COL24A1: variants seen among roughly 807,000 people sequenced by gnomAD.
COL24A1 encodes the protein collagen type XXIV alpha 1 chain, also known as collagen alpha-1(XXIV) chain.
COL24A1 carries 224 observed loss-of-function variants against 253.9 expected under a neutral mutation model. The ratio of observed to expected loss-of-function variants is 0.88; its 90% CI spans 0.79 to 0.99. The LOEUF (loss-of-function observed/expected upper bound fraction) is 0.99, where lower values mean the gene tolerates loss of function less well. COL24A1 is among the 50% of genes least tolerant of loss of function. COL24A1 has a pLI of 0.00. For missense variants in COL24A1, 2,131 were observed against 2,068.5 expected (o/e 1.03, Z -0.59); for synonymous variants, 685 against 673.7 (o/e 1.02, Z -0.26).
intron 12 of COL24A1, among the ~76,000 whole-genome samples, chr1:86,041,445 A>C (rs1474508815): frequency 6.6e-6 from 1 of 152,092 alleles, no homozygotes; most frequent in Non-Finnish European, 1.5e-5. Context: ...ATAAATTTGC[A>C]TGGCTAACTT....
chr1:85,757,467 A>G (rs1226920955), intron 55 of COL24A1, among the ~76,000 whole-genome samples: 2 of 152,208 alleles, frequency 1.3e-5, no homozygotes, highest in African/African-American at 4.8e-5. Flanking sequence ...AAATAATACA[A>G]TGACTATTAG....
chr1:85,875,221 G>A (rs1050803605), intron 34 of COL24A1, 56 bp downstream of exon 34: 17 of 1,440,780 alleles, frequency 1.2e-5, no homozygotes, highest in Admixed American at 1.7e-5. Context: ...GGTAGCAAAT[G>A]TAGGGGGTTC....
chr1:85,935,718 A>G (rs1200435701), intron 24 of COL24A1, among the ~76,000 whole-genome samples: 5 of 147,086 alleles, frequency 3.4e-5, no homozygotes, highest in African/African-American at 1.2e-4. Context: ...GGCTTGACTG[A>G]CAGTTTATTA....
intron 6 of COL24A1, 101 bp downstream of exon 6, chr1:86,092,166 T>C (rs896453900): frequency 2.4e-6 from 2 of 841,278 alleles, no homozygotes; most frequent in Non-Finnish European, 3.6e-6. Flanking sequence ...TCATGTTTTT[T>C]TCCTGTCTGA....
intron 19 of COL24A1, among the ~76,000 whole-genome samples, chr1:85,993,523 A>G (rs887914417): frequency 4.6e-5 from 7 of 152,128 alleles, no homozygotes; most frequent in African/African-American, 1.7e-4. Context: ...AGTGACAAAG[A>G]GCAGATCAGA....
intron 11 of COL24A1, 148 bp downstream of exon 11, chr1:86,049,976 C>A: frequency 3.7e-6 from 2 of 542,444 alleles, no homozygotes; most frequent in South Asian, 4.8e-5. Flanking sequence ...TTTCAAAAGT[C>A]AAATTACATT....
intron 43 of COL24A1, among the ~76,000 whole-genome samples, chr1:85,825,209 T>C (rs987045122): frequency 5.3e-5 from 8 of 152,002 alleles, no homozygotes; most frequent in African/African-American, 1.7e-4. Context: ...TGACTGAGAA[T>C]GATGATTTCC....
chr1:85,926,826 TATA>T (rs1687304531), intron 24 of COL24A1, among the ~76,000 whole-genome samples: 2 of 151,194 alleles, frequency 1.3e-5, no homozygotes, highest in African/African-American at 2.4e-5. Flanking sequence ...TAATAATAAT[TATA>T]ATAATAATAA....
Position 85,744,792 on chromosome 1 carries a change from C to G in COL24A1, c.4546G>C (p.Glu1516Gln). ...AGGTAGTTCAGGGTTTTGAATATCTCTTCACTGTGGTCAATTAAAGTCACT... is the reference window on the plus strand; with the variant it reads ...AGGTAGTTCAGGGTTTTGAATATCTGTTCACTGTGGTCAATTAAAGTCACT... ...TEVTLIDHSE[E>Q]IFKTLNYLSN... Residue 1516 changes from glutamate (E) to glutamine (Q), a missense_variant, in exon 57 of 60, where the codon GAG becomes CAG. Coordinates refer to ENST00000370571, the MANE Select transcript of COL24A1 (RefSeq NM_152890.7). The G allele has an allele frequency of 6.2e-7, 1 of 1,610,538 alleles. No individual in the cohort carries two copies. The highest frequency in any genetic ancestry group is 8.5e-7 in the Non-Finnish European group (1 of 1,178,844).
chr1:85,999,241 G>A (rs144371335), intron 19 of COL24A1, among the ~76,000 whole-genome samples: 2 of 152,208 alleles, frequency 1.3e-5, no homozygotes, highest in East Asian at 3.9e-4. Context: ...ACAGCTTCAG[G>A]CCAAGTACAG....
chr1:85,886,172 C>G (rs993712736), intron 32 of COL24A1, among the ~76,000 whole-genome samples: 2 of 151,758 alleles, frequency 1.3e-5, no homozygotes, highest in African/African-American at 4.8e-5. Flanking sequence ...CTCAGCCTCT[C>G]GAGTAGCTGG....
At chr1:85,736,772 CAT>C (rs1212904086) in intron 58 of COL24A1, among the ~76,000 whole-genome samples, 3 of 151,988 alleles carry the variant, frequency 2.0e-5, no homozygotes, top group African/African-American at 7.2e-5. Context: ...AAGAAAGAAA[CAT>C]AGTTTTGGTT....
chr1:86,085,125 T>C (rs1172576484), intron 7 of COL24A1, among the ~76,000 whole-genome samples: 2 of 152,192 alleles, frequency 1.3e-5, no homozygotes, highest in African/African-American at 4.8e-5. Context: ...AGTATTAATA[T>C]AGCTCCTTAG....
chr1:85,827,725 G>C (rs944881762), intron 43 of COL24A1, among the ~76,000 whole-genome samples: 6 of 151,896 alleles, frequency 4.0e-5, no homozygotes, highest in Non-Finnish European at 8.8e-5. Context: ...GGTGTTTGTA[G>C]TATTCTCTGA....
At chr1:86,037,416 A>G (rs1229146380) in intron 12 of COL24A1, among the ~76,000 whole-genome samples, 1 of 152,188 alleles carries the variant, frequency 6.6e-6, no homozygotes, top group Non-Finnish European at 1.5e-5. Context: ...TGATGAAGTA[A>G]GCAGCTGTGT....
intron 7 of COL24A1, among the ~76,000 whole-genome samples, chr1:86,085,467 G>T (rs1235213214): frequency 6.6e-6 from 1 of 152,154 alleles, no homozygotes; most frequent in Non-Finnish European, 1.5e-5. Flanking sequence ...GTTGTGGTAA[G>T]AGGTGCTTAA....
intron 20 of COL24A1, among the ~76,000 whole-genome samples, chr1:85,974,609 T>C (rs1300999464): frequency 6.6e-6 from 1 of 152,158 alleles, no homozygotes; most frequent in Non-Finnish European, 1.5e-5. Context: ...TACCTCTAAA[T>C]GCAGAGAGGG....
intron 20 of COL24A1, among the ~76,000 whole-genome samples, chr1:85,986,878 C>T (rs968704970): frequency 1.3e-5 from 2 of 151,984 alleles, no homozygotes; most frequent in African/African-American, 4.8e-5. Context: ...TTCATCCTTA[C>T]ATGTGAATTC....
chr1:85,947,899 G>A (rs969224892), intron 24 of COL24A1, among the ~76,000 whole-genome samples: 2 of 151,672 alleles, frequency 1.3e-5, no homozygotes, highest in Admixed American at 1.3e-4. Flanking sequence ...ATGCATGTAT[G>A]CTATAAGAAT....
Sources: allele counts gnomAD v4.1 joint callset (sites outside exome capture counted in the v4.1 genomes callset), GRCh38; gene constraint gnomAD v4.1.1; transcripts MANE v1.5; gene names NCBI Gene and HGNC (gene_info 2026-07-23, HGNC 2026-07-21).